Variants in UNC80 observed in about 807,000 individuals in gnomAD.
UNC80 encodes unc-80 subunit of NALCN channel complex, also known as protein unc-80 homolog.
Under a neutral mutation model 384.6 loss-of-function variants are expected in UNC80, and 164 were observed. The observed-to-expected ratio is 0.43, with a 90% CI of 0.38 to 0.49. The LOEUF is 0.49. Ranked by LOEUF, UNC80 falls within the 20% of genes least tolerant of loss-of-function variation. UNC80 has a pLI of 0.00. For synonymous variants in UNC80, 1,486 were observed against 1,527.8 expected, an observed-to-expected ratio of 0.97 and a Z score of 0.64; for missense variants, 3,330 against 4,143.0, an observed-to-expected ratio of 0.80 and a Z score of 5.39.
At chr2:209,956,801 A>G (rs2092435413) in intron 48 of UNC80, among the ~76,000 whole-genome samples, 1 of 152,080 alleles carries the variant, frequency 6.6e-6, no homozygotes, top group East Asian at 1.9e-4. Flanking sequence ...ATGTAACATA[A>G]TCACTAGAGT....
At chr2:209,880,766 T>A (rs146945461) in intron 24 of UNC80, among the ~76,000 whole-genome samples, 195 bp from the exon 25 acceptor site, 4 of 152,204 alleles carry the variant, frequency 2.6e-5, no homozygotes, top group Non-Finnish European at 5.9e-5. Flanking sequence ...GCATAAGTCA[T>A]GCTAAAGGAA....
chr2:209,898,509 G>T (rs2087032943), intron 28 of UNC80, among the ~76,000 whole-genome samples: 1 of 152,016 alleles, frequency 6.6e-6, no homozygotes, highest in Non-Finnish European at 1.5e-5. Flanking sequence ...GGTACATAGT[G>T]TGTATATTTG....
At chr2:209,785,520 C>T (rs948514075) in intron 4 of UNC80, among the ~76,000 whole-genome samples, 1 of 151,950 alleles carries the variant, frequency 6.6e-6, no homozygotes, top group African/African-American at 2.4e-5. Flanking sequence ...TTTATCCTTG[C>T]CCTCAAGAAA....
chr2:209,860,986 G>A lies in UNC80; in HGVS notation c.3627+11363G>A, dbSNP rs79297338. 5.8e-4 allele frequency among the ~76,000 whole-genome samples: 89 copies of A among 152,246 alleles called. 2 individuals are homozygous for A. In the East Asian group the frequency reaches 0.015, roughly 25 times the overall value. ...TGTTTTCTACGTATAAAATCATGTC[G>A]TCTGCAAACAATGACAAGCTGACTT... is the stretch of plus-strand genomic sequence containing the variant. On this transcript the variant is annotated intron_variant, in intron 22 of 64. Transcript: ENST00000673920.
At chr2:209,793,674 A>G (rs765013691) in intron 6 of UNC80, 46 bp from the exon 7 acceptor site, 13 of 1,603,192 alleles carry the variant, frequency 8.1e-6, no homozygotes, top group Non-Finnish European at 9.4e-6. Flanking sequence ...AGGGGAAAAC[A>G]AAAAACAAAA....
At chr2:209,870,515 C>T (rs1041260569) in intron 22 of UNC80, among the ~76,000 whole-genome samples, 1 of 152,126 alleles carries the variant, frequency 6.6e-6, no homozygotes, top group East Asian at 1.9e-4. Flanking sequence ...CTAGTCTTGA[C>T]CCCATGCATT....
At chr2:209,881,164 A>G in intron 25 of UNC80, 70 bp downstream of exon 25, 3 of 1,483,136 alleles carry the variant, frequency 2.0e-6, no homozygotes, top group South Asian at 2.8e-5. Flanking sequence ...GGTTTCCAAG[A>G]TTCACAGTTT....
At chr2:209,851,328 A>G (rs115923093) in intron 22 of UNC80, among the ~76,000 whole-genome samples, 1,961 of 152,202 alleles carry the variant, frequency 0.013, 46 homozygotes, top group African/African-American at 0.043. Context: ...TAACTGGTTA[A>G]TAATGAGAGC....
At chr2:209,787,414 T>A (rs2077509678) in intron 5 of UNC80, among the ~76,000 whole-genome samples, 1 of 152,208 alleles carries the variant, frequency 6.6e-6, no homozygotes. Context: ...CAAGTGACCT[T>A]GGGCAAGTTT....
intron 22 of UNC80, among the ~76,000 whole-genome samples, chr2:209,852,954 CAT>C (rs1422350521): frequency 7.2e-5 from 11 of 151,796 alleles, no homozygotes; most frequent in Admixed American, 3.9e-4. Flanking sequence ...TAGAAATAAA[CAT>C]AGATGTAGAT....
chr2:209,875,769 A>G (rs1322897545), intron 23 of UNC80, among the ~76,000 whole-genome samples: 1 of 152,106 alleles, frequency 6.6e-6, no homozygotes, highest in Non-Finnish European at 1.5e-5. Context: ...TGCTCTCCCC[A>G]TTCTCCATCA....
At chr2:209,934,328 G>A (rs2091094589) in intron 39 of UNC80, among the ~76,000 whole-genome samples, 1 of 152,108 alleles carries the variant, frequency 6.6e-6, no homozygotes, top group East Asian at 1.9e-4. Flanking sequence ...TGAATTTTTG[G>A]CAGTGCAAGA....
intron 5 of UNC80, among the ~76,000 whole-genome samples, chr2:209,787,257 A>G (rs563381110): frequency 7.5e-6 from 1 of 134,056 alleles, no homozygotes; most frequent in Admixed American, 7.1e-5. Flanking sequence ...CACAATTTGA[A>G]TGAGACATTG....
chr2:209,848,904 T>C (rs2124837126), intron 21 of UNC80, among the ~76,000 whole-genome samples: 1 of 152,224 alleles, frequency 6.6e-6, no homozygotes, highest in East Asian at 1.9e-4. Flanking sequence ...TGAATGCAAA[T>C]TGTTAGAGTG....
chr2:209,811,240 G>A (rs1354917517), intron 7 of UNC80, among the ~76,000 whole-genome samples: 1 of 152,124 alleles, frequency 6.6e-6, no homozygotes, highest in African/African-American at 2.4e-5. Flanking sequence ...GGGGCTGAGA[G>A]GCAATAAATC....
In UNC80 at chr2:209,813,752, C is replaced by G. The variant is rs552060738; in HGVS notation, c.1111C>G (p.Pro371Ala). ...GTTGGAAGAGAAGCCAGAAAAGCCT[C>G]CGGAGCCAGATATTCCTCTCCTGCC... is the stretch of plus-strand genomic sequence containing the variant. ...HMLEEKPEKP[P>A]EPDIPLLPRP... Residue 371 changes from proline (P) to alanine (A), a missense_variant, in exon 8 of 65, where the codon CCG (proline) becomes GCG (alanine). Pro to Ala is a conservative substitution (Grantham distance 27, BLOSUM62 -1). Around this residue, in one of 8 missense-constraint regions of UNC80, gnomAD observed 937 missense variants for 1,026.8 expected, o/e 0.91. Coordinates refer to ENST00000673920, the MANE Select transcript of UNC80 (RefSeq NM_001371986.1). The G allele has an allele frequency of 6.4e-7, 1 of 1,551,886 alleles. No individual in the cohort carries two copies. The highest frequency in any genetic ancestry group is 1.4e-5 in the African/African-American group (1 of 73,152).
At chr2:209,840,463 T>A in intron 19 of UNC80, 79 bp from the exon 20 acceptor site, 2 of 1,212,364 alleles carry the variant, frequency 1.6e-6, no homozygotes, top group Non-Finnish European at 2.4e-6. Flanking sequence ...CATCGCTTGT[T>A]GGGCTTATGT....
At chr2:209,934,914 A>C (rs954680741) in intron 39 of UNC80, among the ~76,000 whole-genome samples, 1 of 152,066 alleles carries the variant, frequency 6.6e-6, no homozygotes, top group South Asian at 2.1e-4. Flanking sequence ...CAGCAAAGAA[A>C]CTCCTATTTT....
intron 40 of UNC80, 116 bp downstream of exon 40, chr2:209,935,924 C>G (rs1341014788): frequency 1.6e-6 from 1 of 613,052 alleles, no homozygotes; most frequent in Non-Finnish European, 2.8e-6. Context: ...GTATGCATTT[C>G]TTTACTCTTC....
Sources: gnomAD v4.1 joint callset for allele counts (sites outside exome capture counted in the v4.1 genomes callset) on GRCh38, gnomAD v4.1.1 for gene constraint, gnomAD v4.1.1 regional missense constraint, MANE v1.5 for transcripts, NCBI Gene and HGNC (gene_info 2026-07-23, HGNC 2026-07-21) for gene names.